The following PABPN1L variants were observed in gnomAD, a reference collection of about 807,000 sequenced individuals.
PABPN1L encodes the protein PABPN1 like, cytoplasmic.
Under a neutral mutation model 34.0 loss-of-function variants are expected in PABPN1L, and 45 were observed. The observed-to-expected ratio is 1.32, with a 90% CI of 1.04 to 1.70. PABPN1L has a LOEUF of 1.70. Among genes scored for constraint, PABPN1L ranks in the 40% most tolerant of loss-of-function variants. The pLI, the probability that PABPN1L is intolerant of heterozygous loss-of-function variation, is 0.00. For synonymous variants in PABPN1L, 182 were observed against 152.1 expected, an observed-to-expected ratio of 1.20 and a Z score of -1.45; for missense variants, 459 against 367.8, an observed-to-expected ratio of 1.25 and a Z score of -2.03.
chr16:88,866,284 C>T, intron 1 of PABPN1L, 68 bp downstream of exon 1: 1 of 1,502,680 alleles, frequency 6.7e-7, no homozygotes. Flanking sequence ...TCACCCAGAC[C>T]CCGTGTCTCC....
intron 2 of PABPN1L, 38 bp downstream of exon 2, chr16:88,865,768 T>A: frequency 6.3e-7 from 1 of 1,581,458 alleles, no homozygotes; most frequent in Non-Finnish European, 8.6e-7. Flanking sequence ...TGTGGGACCC[T>A]TGCTCAGTGG....
exon 6 of PABPN1L, chr16:88,864,290 G>C (rs1280549893): frequency 2.6e-6 from 4 of 1,556,300 alleles, no homozygotes; most frequent in Non-Finnish European, 3.5e-6. Context: ...CGCTGTGGGG[G>C]AAGGGTGCCC....
At chr16:88,864,561 C>T (rs1968538951) in intron 5 of PABPN1L, among the ~76,000 whole-genome samples, 182 bp from the exon 6 acceptor site, 1 of 133,340 alleles carries the variant, frequency 7.5e-6, no homozygotes, top group Non-Finnish European at 1.5e-5. Flanking sequence ...ACGGCCAGCA[C>T]CCCTGCAGAG....
At chr16:88,869,932 T>C (rs1158181421), upstream of PABPN1L, among the ~76,000 whole-genome samples, 1 of 152,200 alleles carries the variant, frequency 6.6e-6, no homozygotes, top group African/African-American at 2.4e-5. Flanking sequence ...TGAGGATTCA[T>C]GGCAGCCTGG....
chr16:88,865,980 A>G lies in PABPN1L; in HGVS notation c.256-39T>C, dbSNP rs376299558. 462 of 1,577,752 alleles carry G rather than the reference A, an allele frequency of 2.9e-4. 1 individual carries two copies. The highest frequency in any genetic ancestry group is 7.7e-5 in the Non-Finnish European group (90 of 1,166,736). The stretch of plus-strand genomic sequence containing the variant: ...GCCCTGAGCCGGGCAGGCAGCCTGC[A>G]GGCTCTGCTCAAGGAAGGTGGGTGT... On this transcript the variant is annotated intron_variant, in intron 1 of 6. Coordinates refer to ENST00000419291, the Ensembl canonical transcript of PABPN1L.
chr16:88,863,919 G>A, intron 6 of PABPN1L, 124 bp from the exon 7 acceptor site: 1 of 1,044,552 alleles, frequency 9.6e-7, no homozygotes, highest in East Asian at 2.6e-5. Context: ...CAATGCCCCA[G>A]GGGCCTTTCT....
exon 6 of PABPN1L, chr16:88,864,334 G>T: frequency 6.4e-7 from 1 of 1,555,512 alleles, no homozygotes; most frequent in Admixed American, 1.9e-5. Context: ...AGGCCCCCGC[G>T]GTCTGTGGAG....
At chr16:88,869,686 T>C (rs1029973871), upstream of PABPN1L, among the ~76,000 whole-genome samples, 2 of 152,240 alleles carry the variant, frequency 1.3e-5, no homozygotes, top group African/African-American at 4.8e-5. Flanking sequence ...AGAGGCAGGA[T>C]TGCAACCAGT....
rs374408462 is a variant in PABPN1L, at chr16:88,864,191, C to T, written c.797+46G>A. On this transcript the variant is annotated intron_variant, in intron 6 of 6. Transcript: ENST00000419291. Reference sequence around the variant, plus strand: ...ACCCCCTCCTGCCCCTGATGCCCTCCACCATGGCCCTCGCCCCCAGGCTGC... The same window carrying T: ...ACCCCCTCCTGCCCCTGATGCCCTCTACCATGGCCCTCGCCCCCAGGCTGC... 5.2e-5 allele frequency: 76 copies of T among 1,471,602 alleles called. No individual in the cohort carries two copies. The African/African-American group carries it at 1.1e-3, about 22-fold the overall frequency. The allele number at this position is 1,471,602 out of a possible 1,614,324, so 91.2% of individuals were successfully genotyped here.
rs1249142722 is a variant in PABPN1L at position 88,866,518 on chromosome 16, C to G, written c.89G>C (p.Trp30Ser). 4 of 1,551,012 alleles carry G rather than the reference C, an allele frequency of 2.6e-6. No individual in the cohort carries two copies. In the African/African-American group the frequency reaches 4.1e-5, roughly 16 times the overall value. ...CTCCTTGGTCTCGTTCCAGGCCCCC[C>G]AGCCCTGGGCCTCAGGGTCTGAGGA... The change falls in exon 1 of 7, where the codon TGG becomes TCG. Residue 30 changes from tryptophan (W) to serine (S), a missense_variant. Physicochemically the swap from Trp to Ser is radical, Grantham distance 177. Transcript: ENST00000419291.
chr16:88,865,277 G>C (rs980160348), intron 3 of PABPN1L, 149 bp from the exon 4 acceptor site: 12 of 835,434 alleles, frequency 1.4e-5, no homozygotes, highest in Non-Finnish European at 2.0e-5. Context: ...TGGGGTTGGA[G>C]GGAAGAGAGG....
At chr16:88,867,087 G>A (rs1020826596), upstream of PABPN1L, among the ~76,000 whole-genome samples, 16 of 152,194 alleles carry the variant, frequency 1.1e-4, no homozygotes, top group African/African-American at 3.9e-4. Flanking sequence ...GAGAGCAGGT[G>A]CATGGGATGA....
At chr16:88,866,877 C>T (rs1020878907), upstream of PABPN1L, among the ~76,000 whole-genome samples, 4 of 152,242 alleles carry the variant, frequency 2.6e-5, no homozygotes, top group Admixed American at 6.5e-5. Flanking sequence ...CTTCTGCTTC[C>T]GCCTGGCCAC....
rs78764565 is a variant in PABPN1L, at chr16:88,864,552, C to T, written c.655-173G>A. ...ATAGCTGTCATATGACACCCCGTCA[C>T]GGCCAGCACCCCTGCAGAGGGGGGG... is the stretch of plus-strand genomic sequence containing the variant. On this transcript the variant is annotated intron_variant, in intron 5 of 6. Transcript: ENST00000419291. Among the ~76,000 whole-genome samples, 774 of 133,438 alleles carry T rather than the reference C, an allele frequency of 5.8e-3. 6 individuals carry two copies. The highest frequency in any genetic ancestry group is 0.02 in the East Asian group (83 of 4,196). The allele number at this position is 133,438 out of a possible 152,430, so 87.5% of individuals were successfully genotyped here. A position where few individuals can be genotyped will look rare whatever the true frequency, so the allele number is the denominator to read the frequency against.
At chr16:88,865,976 C>T in intron 1 of PABPN1L, 35 bp from the exon 2 acceptor site, 1 of 1,579,444 alleles carries the variant, frequency 6.3e-7, no homozygotes, top group Non-Finnish European at 8.6e-7. Context: ...GGCAGGCAGC[C>T]TGCAGGCTCT....
chr16:88,865,648 C>T lies in PABPN1L; in HGVS notation c.392-18G>A, dbSNP rs769426982. On this transcript the variant is annotated intron_variant, in intron 2 of 6. Coordinates refer to ENST00000419291, the Ensembl canonical transcript of PABPN1L. ...GGGGCAGCCTGCGGAGAACACAGCT[C>T]AGGCCCGCAGGCCCTTGGTTCCTTC... The T allele has an allele frequency of 5.0e-6, 8 of 1,591,216 alleles. No individual in the cohort carries two copies. The Admixed American group carries it at 7.0e-5, about 14-fold the overall frequency.
intron 5 of PABPN1L, 116 bp from the exon 6 acceptor site, chr16:88,864,495 C>A (rs1305382796): frequency 2.1e-6 from 3 of 1,403,154 alleles, no homozygotes; most frequent in East Asian, 2.5e-5. Flanking sequence ...GGATACCATT[C>A]GGGCCTACAG....
chr16:88,868,001 G>T (rs1306369665), upstream of PABPN1L, among the ~76,000 whole-genome samples: 1 of 152,218 alleles, frequency 6.6e-6, no homozygotes, highest in Non-Finnish European at 1.5e-5. Flanking sequence ...ATTTGGGACT[G>T]GGGGAGGAGA....
chr16:88,864,848 C>T lies in PABPN1L; in HGVS notation c.654+5G>A, dbSNP rs375679822. 9.9e-4 allele frequency: 1,583 copies of T among 1,603,396 alleles called. 2 individuals are homozygous for T. The highest frequency in any genetic ancestry group is 1.2e-3 in the Non-Finnish European group (1,454 of 1,175,702). ...TGTTCCTGGACCTGGGGAGCACCGGCGCACCTTGATGACCCGGCCCCGGAA... is the reference window on the plus strand; with the variant it reads ...TGTTCCTGGACCTGGGGAGCACCGGTGCACCTTGATGACCCGGCCCCGGAA... On this transcript the variant is annotated splice_donor_5th_base_variant and intron_variant, in intron 5 of 6. Coordinates refer to ENST00000419291, the Ensembl canonical transcript of PABPN1L.
Sources: allele counts gnomAD v4.1 joint callset (sites outside exome capture counted in the v4.1 genomes callset), GRCh38; gene constraint gnomAD v4.1.1; transcripts MANE v1.5; gene names NCBI Gene and HGNC (gene_info 2026-07-23, HGNC 2026-07-21).